NPL: variants seen among roughly 807,000 people sequenced by gnomAD.
NPL encodes the protein N-acetylneuraminate lyase.
Under a neutral mutation model 41.1 loss-of-function variants are expected in NPL, and 32 were observed. That is an observed-to-expected ratio of 0.78 (90% CI 0.59 to 1.05). The LOEUF (loss-of-function observed/expected upper bound fraction) is 1.05, where lower values mean the gene tolerates loss of function less well. Among genes scored for constraint, NPL ranks in the 50% least tolerant of loss-of-function variants. The pLI is 0.00. For synonymous variants in NPL, 128 were observed against 134.9 expected (o/e 0.95, Z 0.35); for missense variants, 321 against 378.4 (o/e 0.85, Z 1.26).
intron 3 of NPL, 51 bp downstream of exon 3, chr1:182,794,490 G>T: frequency 6.4e-7 from 1 of 1,559,424 alleles, no homozygotes; most frequent in Non-Finnish European, 8.8e-7. Context: ...CAACCAAAAA[G>T]GAGAGAAGTT....
intron 4 of NPL, among the ~76,000 whole-genome samples, chr1:182,804,165 T>G (rs1022213271): frequency 6.6e-6 from 1 of 152,144 alleles, no homozygotes; most frequent in Admixed American, 6.5e-5. Context: ...TCTTGCTCTA[T>G]CTCCCCCTGG....
At position 182,830,123 on chromosome 1, in the gene NPL, A is replaced by G. The variant is rs1667729437; in HGVS notation, c.*1215A>G. On this transcript the variant is annotated 3_prime_UTR_variant, in exon 13 of 13. Transcript: ENST00000367553. Reference sequence around the variant, plus strand: ...TTTGAATTAAAAATAAAACTTTTTCAAAATGGAAATTTGAAATTATAAGTA... The same window carrying G: ...TTTGAATTAAAAATAAAACTTTTTCGAAATGGAAATTTGAAATTATAAGTA... The G allele has an allele frequency of 6.6e-6, 1 of 152,532 alleles. No individual in the cohort carries two copies. The highest frequency in any genetic ancestry group is 1.5e-5 in the Non-Finnish European group (1 of 68,274). 9.4% of individuals were successfully genotyped at this position (152,532 alleles called of 1,614,324 possible). A position where few individuals can be genotyped will look rare whatever the true frequency, so the allele number is the denominator to read the frequency against.
rs1667401658 is a variant in NPL, at chr1:182,818,610, A to G, written c.527A>G (p.Asp176Gly). The change falls in exon 9 of 13, where the codon GAT becomes GGT. Residue 176 changes from aspartate (D) to glycine (G), a missense_variant. Transcript: ENST00000367553. Reference protein sequence around the residue: ...IPTFQGLKFSDTDLLDFGQCV... With the variant: ...IPTFQGLKFSGTDLLDFGQCV... ...ACCTTCCAAGGGCTGAAATTCAGTG[A>G]TACAGATCTCTTAGACTTCGGGCAA... 2 of 1,614,106 alleles carry G rather than the reference A, an allele frequency of 1.2e-6. No homozygotes were observed. Among genetic ancestry groups the G allele is most frequent in the Non-Finnish European group, 1.7e-6 (2 of 1,180,036 alleles).
intron 1 of NPL, among the ~76,000 whole-genome samples, chr1:182,790,613 TTTGTTGTTGTTGTTG>T (rs148847511): frequency 0.036 from 5,416 of 150,468 alleles, 284 homozygotes; most frequent in African/African-American, 0.11. Context: ...GTTAAAGTCT[TTTGTTGTTGTTGTTG>T]TTGTTGTTGT....
chr1:182,794,998 G>A (rs1358672370), intron 3 of NPL, among the ~76,000 whole-genome samples: 2 of 152,194 alleles, frequency 1.3e-5, no homozygotes, highest in Non-Finnish European at 2.9e-5. Context: ...AGCGGGGGAA[G>A]GGAAGTAACA....
rs1666595147 is a variant in NPL, at chr1:182,794,254, T to G, written c.-16-102T>G. The stretch of plus-strand genomic sequence containing the variant: ...CTTGCTCTGTGTGTTTGTGTACTTG[T>G]AAGCACATTTTACAGTTCTAAACTA... On this transcript the variant is annotated intron_variant, in intron 2 of 12. Transcript: ENST00000367553. 3 of 997,182 alleles carry G rather than the reference T, an allele frequency of 3.0e-6. No individual in the cohort carries two copies. In the South Asian group the frequency reaches 3.8e-5, roughly 13 times the overall value. 61.8% of individuals were successfully genotyped at this position (997,182 alleles called of 1,614,324 possible). A position where few individuals can be genotyped will look rare whatever the true frequency, so the allele number is the denominator to read the frequency against.
intron 1 of NPL, among the ~76,000 whole-genome samples, chr1:182,790,531 C>A (rs1314382287): frequency 6.6e-6 from 1 of 152,212 alleles, no homozygotes; most frequent in South Asian, 2.1e-4. Context: ...TGATAATTAT[C>A]TGTTATGCTT....
intron 3 of NPL, 142 bp downstream of exon 3, chr1:182,794,581 C>A: frequency 1.3e-6 from 1 of 794,536 alleles, no homozygotes; most frequent in Non-Finnish European, 2.1e-6. Flanking sequence ...CATCCCTCTG[C>A]ACTGTCTCTG....
Position 182,792,243 on chromosome 1 carries a change from G to A in NPL, c.-60G>A, listed in dbSNP as rs1666536063. 6.6e-6 allele frequency: 1 copy of A among 152,222 alleles called. No homozygotes were observed. Among genetic ancestry groups the A allele is most frequent in the Admixed American group, 6.5e-5 (1 of 15,288 alleles). The allele number at this position is 152,222 out of a possible 1,614,324, so 9.4% of individuals were successfully genotyped here. ...ATCCTCATTTACAGAAGGGGAAACT[G>A]AAGCAGAAAGAGGTTACTTAATGGG... is the stretch of plus-strand genomic sequence containing the variant. On this transcript the variant is annotated 5_prime_UTR_variant, in exon 2 of 13. Coordinates refer to ENST00000367553, the MANE Select transcript of NPL (RefSeq NM_030769.3).
At chr1:182,827,524 A>G (rs1472231689) in intron 12 of NPL, among the ~76,000 whole-genome samples, 1 of 152,186 alleles carries the variant, frequency 6.6e-6, no homozygotes, top group Non-Finnish European at 1.5e-5. Context: ...ATATCTTTCT[A>G]TGCTGTATTC....
At chr1:182,801,728 T>C (rs2102536140) in intron 3 of NPL, among the ~76,000 whole-genome samples, 1 of 152,180 alleles carries the variant, frequency 6.6e-6, no homozygotes, top group Middle Eastern at 3.4e-3. Context: ...CCTAGCTACT[T>C]GGGAGGCTGA....
intron 4 of NPL, among the ~76,000 whole-genome samples, chr1:182,804,246 A>T (rs915885942): frequency 2.6e-5 from 4 of 152,152 alleles, no homozygotes; most frequent in Admixed American, 2.6e-4. Flanking sequence ...CTCCTGCCTC[A>T]GCCTCCTGGG....
chr1:182,805,952 C>T (rs1666995226), intron 4 of NPL, among the ~76,000 whole-genome samples, 193 bp from the exon 5 acceptor site: 1 of 152,182 alleles, frequency 6.6e-6, no homozygotes, highest in African/African-American at 2.4e-5. Flanking sequence ...TTACAAGTCA[C>T]AATTAACCTT....
rs539520095 is a variant in NPL at position 182,803,768 on chromosome 1, T to G, written c.139T>G (p.Phe47Val). The G allele has an allele frequency of 2.1e-4, 339 of 1,608,754 alleles. 4 individuals are homozygous for G. In the South Asian group the frequency reaches 3.5e-3, roughly 17 times the overall value. The change falls in exon 4 of 13, where the codon TTT (phenylalanine) becomes GTT (valine). Residue 47 changes from phenylalanine (F) to valine (V), a missense_variant. Phe to Val is a conservative substitution (Grantham distance 50). Coordinates refer to ENST00000367553, the MANE Select transcript of NPL (RefSeq NM_030769.3). ...GAAAGAACAGGGAGTGAAGAACATT[T>G]TTGGTAAGTCAACTCTGGGGATGTC... ...LVKEQGVKNI[F>V]VNGTTGEGLS...
chr1:182,806,065 C>T, intron 4 of NPL, 80 bp from the exon 5 acceptor site: 1 of 1,535,814 alleles, frequency 6.5e-7, no homozygotes, highest in Non-Finnish European at 9.0e-7. Context: ...GCAGTGGTTT[C>T]TGACCCTGCA....
chr1:182,810,313 T>A (rs537126740), intron 5 of NPL, among the ~76,000 whole-genome samples: 1 of 152,312 alleles, frequency 6.6e-6, no homozygotes, highest in South Asian at 2.1e-4. Context: ...AGAACAAATA[T>A]CGCCTTTTGG....
Position 182,812,231 on chromosome 1 carries a change from T to C in NPL, c.288+18T>C, listed in dbSNP as rs781696984. 6 of 1,608,444 alleles carry C rather than the reference T, an allele frequency of 3.7e-6. No individual in the cohort carries two copies. The highest frequency in any genetic ancestry group is 1.3e-5 in the African/African-American group (1 of 74,932). The stretch of plus-strand genomic sequence containing the variant: ...AGGAACTGGTATGTATGCAGTTCCA[T>C]CTGGGAGAGACCATTCAAGGGGCCT... On this transcript the variant is annotated intron_variant, in intron 6 of 12. Transcript: ENST00000367553.
chr1:182,803,850 G>A, intron 4 of NPL, 79 bp downstream of exon 4: 1 of 1,021,536 alleles, frequency 9.8e-7, no homozygotes, highest in Non-Finnish European at 1.6e-6. Flanking sequence ...TACCAGCCAA[G>A]AGGTCACACA....
At position 182,818,683 on chromosome 1, in the gene NPL, G is replaced by A. The variant is rs149806797; in HGVS notation, c.600G>A (p.Val200=). Residue 200 remains valine, a synonymous_variant, in exon 9 of 13, where the codon GTG becomes GTA. Transcript: ENST00000367553. The part of the protein sequence containing the change: ...RQQQFAFLFG[V]DEQLLSALVM... The stretch of plus-strand genomic sequence containing the variant: ...AACAGTTTGCTTTCCTTTTTGGGGT[G>A]GATGAGGTAAGTCACCCCCTAGCAT... 1.5e-5 allele frequency: 25 copies of A among 1,614,144 alleles called. No individual in the cohort carries two copies. In the African/African-American group the frequency reaches 3.2e-4, roughly 21 times the overall value.
Sources: gnomAD v4.1 joint callset for allele counts (sites outside exome capture counted in the v4.1 genomes callset) on GRCh38, gnomAD v4.1.1 for gene constraint, MANE v1.5 for transcripts, NCBI Gene and HGNC (gene_info 2026-07-23, HGNC 2026-07-21) for gene names.